CNTNAP2: variants seen among roughly 807,000 people sequenced by gnomAD.
CNTNAP2 encodes contactin-associated protein-like 2.
Under a neutral mutation model 155.2 loss-of-function variants are expected in CNTNAP2, and 98 were observed. The ratio of observed to expected loss-of-function variants is 0.63; its 90% confidence interval spans 0.54 to 0.75. CNTNAP2 has a LOEUF of 0.75. CNTNAP2 is among the 30% of genes least tolerant of loss of function. The probability of loss-of-function intolerance (pLI) is 0.00; values close to 1 mark genes in which losing one functional copy is unlikely to be tolerated. For synonymous variants in CNTNAP2, 651 were observed against 631.2 expected, an observed-to-expected ratio of 1.03 and a Z score of -0.47; for missense variants, 1,727 against 1,688.1, an observed-to-expected ratio of 1.02 and a Z score of -0.40.
intron 1 of CNTNAP2, among the ~76,000 whole-genome samples, chr7:146,469,906 C>T (rs1796771005): frequency 6.8e-6 from 1 of 147,810 alleles, no homozygotes; most frequent in African/African-American, 2.5e-5. Context: ...GTGGAGCAAT[C>T]TCGGCTCACT....
intron 14 of CNTNAP2, among the ~76,000 whole-genome samples, chr7:147,904,095 G>A (rs1192333337): frequency 1.3e-5 from 2 of 152,162 alleles, no homozygotes; most frequent in East Asian, 3.9e-4. Flanking sequence ...CCTCCTGCGG[G>A]GAGCACAACC....
At chr7:146,424,928 G>A (rs142726439) in intron 1 of CNTNAP2, among the ~76,000 whole-genome samples, 1 of 150,802 alleles carries the variant, frequency 6.6e-6, no homozygotes, top group East Asian at 2.0e-4. Flanking sequence ...CTGACATATT[G>A]AAAAAAAAAT....
chr7:147,163,251 A>G (rs1468519847), intron 8 of CNTNAP2, among the ~76,000 whole-genome samples: 1 of 152,202 alleles, frequency 6.6e-6, no homozygotes, highest in Non-Finnish European at 1.5e-5. Context: ...TAGGCTGTGC[A>G]TAAAAGAAGA....
At chr7:148,207,879 C>T (rs1209192179) in intron 18 of CNTNAP2, among the ~76,000 whole-genome samples, 3 of 152,056 alleles carry the variant, frequency 2.0e-5, no homozygotes, top group African/African-American at 7.2e-5. Flanking sequence ...GGGCGGATCA[C>T]GAGGTCAGGA....
intron 1 of CNTNAP2, among the ~76,000 whole-genome samples, chr7:146,342,914 G>A (rs548624381): frequency 3.5e-4 from 53 of 152,296 alleles, no homozygotes; most frequent in Non-Finnish European, 2.1e-4. Flanking sequence ...TGTAACTGCA[G>A]AATTAGAATG....
chr7:147,132,072 A>G (rs1801386304), intron 7 of CNTNAP2, among the ~76,000 whole-genome samples, 173 bp from the exon 8 acceptor site: 1 of 152,134 alleles, frequency 6.6e-6, no homozygotes, highest in Non-Finnish European at 1.5e-5. Flanking sequence ...CACTCCAAGT[A>G]GATCCGTAGT....
intron 8 of CNTNAP2, among the ~76,000 whole-genome samples, chr7:147,266,491 A>G (rs1804611113): frequency 6.6e-6 from 1 of 152,144 alleles, no homozygotes; most frequent in Non-Finnish European, 1.5e-5. Context: ...ATTTATCTCC[A>G]TGCTTCTGGT....
At chr7:148,394,262 G>A (rs933589832) in intron 22 of CNTNAP2, among the ~76,000 whole-genome samples, 1 of 152,106 alleles carries the variant, frequency 6.6e-6, no homozygotes, top group Non-Finnish European at 1.5e-5. Context: ...CACTGTTCCA[G>A]CCCCATTGGT....
At chr7:146,672,605 AAAAC>A (rs888455798) in intron 1 of CNTNAP2, among the ~76,000 whole-genome samples, 2 of 152,190 alleles carry the variant, frequency 1.3e-5, no homozygotes, top group African/African-American at 4.8e-5. Flanking sequence ...CTCCTTTTTG[AAAAC>A]AAACTGTGTC....
chr7:146,681,388 G>A (rs1800498855), intron 1 of CNTNAP2, among the ~76,000 whole-genome samples: 1 of 126,722 alleles, frequency 7.9e-6, no homozygotes, highest in East Asian at 2.4e-4. Context: ...GTTATTCATG[G>A]ACACATAGAG....
intron 13 of CNTNAP2, among the ~76,000 whole-genome samples, chr7:147,709,526 G>A (rs1796372029): frequency 6.6e-6 from 1 of 152,122 alleles, no homozygotes; most frequent in East Asian, 1.9e-4. Flanking sequence ...GCAACAGCTT[G>A]GGAAGAAAAT....
chr7:147,343,385 C>T (rs956140219), intron 9 of CNTNAP2, among the ~76,000 whole-genome samples: 45 of 152,046 alleles, frequency 3.0e-4, no homozygotes, highest in Non-Finnish European at 5.9e-5. Context: ...ATTTCCCCCT[C>T]GTAAAGCTGT....
At chr7:147,358,889 C>T (rs911642549) in intron 9 of CNTNAP2, among the ~76,000 whole-genome samples, 2 of 152,068 alleles carry the variant, frequency 1.3e-5, no homozygotes, top group African/African-American at 4.8e-5. Context: ...GCTGTTTACT[C>T]CTTGTTTGGT....
intron 1 of CNTNAP2, among the ~76,000 whole-genome samples, chr7:146,485,286 C>T (rs900394621): frequency 4.6e-5 from 7 of 152,078 alleles, no homozygotes; most frequent in South Asian, 2.1e-4. Context: ...GGTGATGCCA[C>T]GGCAGACAGG....
At chr7:148,088,371 A>G (rs896657651) in intron 15 of CNTNAP2, among the ~76,000 whole-genome samples, 1 of 152,018 alleles carries the variant, frequency 6.6e-6, no homozygotes, top group Non-Finnish European at 1.5e-5. Flanking sequence ...AAAGATCAAC[A>G]AAACTACAAG....
At chr7:147,768,977 T>C (rs1351848792) in intron 13 of CNTNAP2, among the ~76,000 whole-genome samples, 4 of 152,140 alleles carry the variant, frequency 2.6e-5, no homozygotes, top group African/African-American at 9.7e-5. Flanking sequence ...ATAGGAGAAA[T>C]AAGAGATTCT....
intron 13 of CNTNAP2, among the ~76,000 whole-genome samples, chr7:147,669,429 C>A (rs1298871714): frequency 6.6e-6 from 1 of 152,112 alleles, no homozygotes; most frequent in Non-Finnish European, 1.5e-5. Flanking sequence ...TAAAATAAGT[C>A]CCAAAGTGGA....
chr7:147,026,017 G>A (rs1262203102), intron 3 of CNTNAP2, among the ~76,000 whole-genome samples: 2 of 151,888 alleles, frequency 1.3e-5, no homozygotes, highest in African/African-American at 4.8e-5. Context: ...GTGCTACCAC[G>A]CCTGGCTAAT....
At chr7:146,851,175 G>T (rs762725696) in intron 3 of CNTNAP2, among the ~76,000 whole-genome samples, 1 of 151,936 alleles carries the variant, frequency 6.6e-6, no homozygotes, top group Non-Finnish European at 1.5e-5. Context: ...AATAGAGGTC[G>T]GGTTTTGCCA....
Sources: gnomAD v4.1 joint callset for allele counts (sites outside exome capture counted in the v4.1 genomes callset) on GRCh38, gnomAD v4.1.1 for gene constraint, MANE v1.5 for transcripts, NCBI Gene and HGNC (gene_info 2026-07-23, HGNC 2026-07-21) for gene names.